The following GLIS1 variants were observed in gnomAD, a reference collection of about 807,000 sequenced individuals.
The protein encoded by GLIS1 is zinc finger protein GLIS1.
GLIS1 carries 24 observed loss-of-function variants against 63.8 expected under a neutral mutation model. That is an observed-to-expected ratio of 0.38 (90% confidence interval 0.27 to 0.53). The LOEUF is 0.53. Ranked by LOEUF, GLIS1 falls within the 20% of genes least tolerant of loss-of-function variation. GLIS1 has a pLI of 0.85. For synonymous variants in GLIS1, 450 were observed against 482.5 expected (o/e 0.93, Z 0.88); for missense variants, 1,036 against 1,074.1 (o/e 0.96, Z 0.50).
chr1:53,510,173 C>A (rs977659445), intron 8 of GLIS1, 146 bp from the exon 9 acceptor site: 3 of 423,054 alleles, frequency 7.1e-6, no homozygotes, highest in Non-Finnish European at 1.2e-5. Context: ...AGAAGAGGAG[C>A]TTTTATTTTT....
chr1:53,600,279 C>A lies in GLIS1; in HGVS notation c.260-1G>T. On this transcript the variant is annotated splice_acceptor_variant, in intron 2 of 10. Transcript: ENST00000628545. LOFTEE classifies it high-confidence loss of function. ...GTACGGTGTCCGTAGCTCCCATTCA[C>A]TAGGCAGAGAAAGACAGGGAGAGAG... 1 of 1,231,954 alleles carries A rather than the reference C, an allele frequency of 8.1e-7. No individual in the cohort carries two copies. The highest frequency in any genetic ancestry group is 1.0e-6 in the Non-Finnish European group (1 of 987,820). 76.3% of individuals were successfully genotyped at this position (1,231,954 alleles called of 1,614,324 possible).
At chr1:53,555,081 G>A (rs1469719747) in intron 4 of GLIS1, among the ~76,000 whole-genome samples, 2 of 152,186 alleles carry the variant, frequency 1.3e-5, no homozygotes, top group Non-Finnish European at 2.9e-5. Context: ...AGAACCCCAT[G>A]CACTCTCAGA....
chr1:53,691,874 C>G (rs1348844679), intron 2 of GLIS1, among the ~76,000 whole-genome samples: 3 of 152,168 alleles, frequency 2.0e-5, no homozygotes, highest in Non-Finnish European at 4.4e-5. Flanking sequence ...CCAACTCCGC[C>G]CCAGTGACTG....
chr1:53,679,283 A>G (rs1646249576), intron 2 of GLIS1, among the ~76,000 whole-genome samples: 1 of 152,204 alleles, frequency 6.6e-6, no homozygotes, highest in African/African-American at 2.4e-5. Flanking sequence ...CTGGGCCTGC[A>G]ATTAAAATAA....
At chr1:53,545,287 C>T (rs1000900421) in intron 4 of GLIS1, among the ~76,000 whole-genome samples, 36 of 152,144 alleles carry the variant, frequency 2.4e-4, no homozygotes, top group African/African-American at 8.4e-4. Context: ...GTCCATGGAC[C>T]CCAAGGACAG....
chr1:53,566,382 A>T (rs2100452659), intron 4 of GLIS1, among the ~76,000 whole-genome samples: 2 of 152,348 alleles, frequency 1.3e-5, no homozygotes, highest in East Asian at 3.9e-4. Flanking sequence ...AAGCAATTAT[A>T]GCAAGGTTGC....
At chr1:53,595,459 G>T (rs900040678) in intron 3 of GLIS1, among the ~76,000 whole-genome samples, 5 of 152,156 alleles carry the variant, frequency 3.3e-5, no homozygotes, top group Admixed American at 1.3e-4. Context: ...GGTTGAGGCT[G>T]CAGGGAGCCA....
At position 53,738,076 on chromosome 1, in the gene GLIS1, G is replaced by C; in HGVS notation, c.-12C>G. ...ACCTCGCAATGCATGGCGCCGGGGC[G>C]GGGCGCACGGCTGGGGGTCGCGCCG... On this transcript the variant is annotated 5_prime_UTR_variant, in exon 2 of 11. Coordinates refer to ENST00000628545, the MANE Select transcript of GLIS1 (RefSeq NM_001367484.1). The C allele has an allele frequency of 8.1e-7, 1 of 1,230,006 alleles. No homozygotes were observed. Among genetic ancestry groups the C allele is most frequent in the Non-Finnish European group, 1.0e-6 (1 of 986,806 alleles). 76.2% of individuals were successfully genotyped at this position (1,230,006 alleles called of 1,614,324 possible).
intron 2 of GLIS1, among the ~76,000 whole-genome samples, chr1:53,705,276 C>T (rs1332905868): frequency 6.6e-6 from 1 of 152,174 alleles, no homozygotes; most frequent in Non-Finnish European, 1.5e-5. Flanking sequence ...GCGGCAGATA[C>T]AGCCAGAGGG....
chr1:53,700,136 C>T (rs903277644), intron 2 of GLIS1, among the ~76,000 whole-genome samples: 1 of 152,188 alleles, frequency 6.6e-6, no homozygotes, highest in Non-Finnish European at 1.5e-5. Flanking sequence ...GCCCACTGTA[C>T]CATGCTACCT....
intron 2 of GLIS1, among the ~76,000 whole-genome samples, chr1:53,656,344 T>C (rs56188733): frequency 0.021 from 3,214 of 152,202 alleles, 107 homozygotes; most frequent in African/African-American, 0.072. Context: ...ACCTGAGACC[T>C]CCTCCTGGCC....
chr1:53,581,882 T>G (rs1569862992), intron 4 of GLIS1, among the ~76,000 whole-genome samples: 1 of 151,994 alleles, frequency 6.6e-6, no homozygotes, highest in African/African-American at 2.4e-5. Context: ...CTCCCTAGGG[T>G]GTGCCAGGAA....
At chr1:53,586,163 T>A (rs1280826213) in intron 4 of GLIS1, among the ~76,000 whole-genome samples, 1 of 152,168 alleles carries the variant, frequency 6.6e-6, no homozygotes, top group Non-Finnish European at 1.5e-5. Flanking sequence ...CCTCTCCTTG[T>A]TAAGCCCAAG....
intron 2 of GLIS1, among the ~76,000 whole-genome samples, chr1:53,703,526 C>T (rs1045309653): frequency 2.0e-5 from 3 of 151,596 alleles, no homozygotes; most frequent in African/African-American, 7.3e-5. Context: ...ATAGTCCTAA[C>T]TACTCAGGAG....
chr1:53,689,906 A>G (rs1328265254), intron 2 of GLIS1, among the ~76,000 whole-genome samples: 1 of 152,160 alleles, frequency 6.6e-6, no homozygotes, highest in African/African-American at 2.4e-5. Flanking sequence ...GAGCCGGTTT[A>G]TCCCCACCAC....
intron 2 of GLIS1, among the ~76,000 whole-genome samples, chr1:53,730,821 G>A (rs1236382871): frequency 6.6e-6 from 1 of 152,160 alleles, no homozygotes; most frequent in East Asian, 1.9e-4. Flanking sequence ...TTCCATAGGG[G>A]GGGTCATCTA....
chr1:53,523,764 C>T (rs1644435530), intron 6 of GLIS1, among the ~76,000 whole-genome samples: 1 of 152,164 alleles, frequency 6.6e-6, no homozygotes, highest in Non-Finnish European at 1.5e-5. Flanking sequence ...TCGTCCAAAA[C>T]AGCATCCCCA....
At chr1:53,521,034 C>A (rs1644403156) in intron 6 of GLIS1, among the ~76,000 whole-genome samples, 1 of 152,212 alleles carries the variant, frequency 6.6e-6, no homozygotes, top group South Asian at 2.1e-4. Context: ...ACTAGATGGG[C>A]TGGGAGAGCC....
At chr1:53,721,247 G>A (rs1352829373) in intron 2 of GLIS1, among the ~76,000 whole-genome samples, 2 of 152,042 alleles carry the variant, frequency 1.3e-5, no homozygotes, top group Admixed American at 1.3e-4. Context: ...ATCTTATTTA[G>A]GGTGGCCTAA....
Sources: gnomAD v4.1 joint callset for allele counts (sites outside exome capture counted in the v4.1 genomes callset) on GRCh38, gnomAD v4.1.1 for gene constraint, MANE v1.5 for transcripts, NCBI Gene and HGNC (gene_info 2026-07-23, HGNC 2026-07-21) for gene names.